Variants in N4BP2L2 observed in about 807,000 individuals in gnomAD.
N4BP2L2 encodes NEDD4 binding protein 2 like 2, also known as NEDD4-binding protein 2-like 2.
Under a neutral mutation model 56.2 loss-of-function variants are expected in N4BP2L2, and 50 were observed. That is an observed-to-expected ratio of 0.89 (90% CI 0.71 to 1.13). The LOEUF (loss-of-function observed/expected upper bound fraction) is 1.13, where lower values mean the gene tolerates loss of function less well. Ranked by LOEUF, N4BP2L2 falls within the 50% of genes most tolerant of loss-of-function variation. The probability of loss-of-function intolerance (pLI) is 0.00; values close to 1 mark genes in which losing one functional copy is unlikely to be tolerated. For synonymous variants in N4BP2L2, 203 were observed against 223.6 expected (o/e 0.91, Z 0.82); for missense variants, 689 against 693.8 (o/e 0.99, Z 0.08).
intron 6 of N4BP2L2, among the ~76,000 whole-genome samples, chr13:32,498,178 G>A (rs1218694970): frequency 6.6e-6 from 1 of 152,092 alleles, no homozygotes; most frequent in Non-Finnish European, 1.5e-5. Flanking sequence ...TAGAGATGGG[G>A]TTTCACTATG....
At chr13:32,469,113 C>T (rs948255149) in intron 6 of N4BP2L2, among the ~76,000 whole-genome samples, 2 of 152,208 alleles carry the variant, frequency 1.3e-5, no homozygotes, top group Admixed American at 6.5e-5. Flanking sequence ...TTCAGCCATT[C>T]GTGACCCATT....
Position 32,478,169 on chromosome 13 carries a change from G to A in N4BP2L2, c.366-34043C>T, listed in dbSNP as rs868450601. On this transcript the variant is annotated intron_variant, in intron 6 of 9. Transcript: ENST00000357505. The stretch of plus-strand genomic sequence containing the variant: ...CATTCAATCTCAACGAAGAACTTGG[G>A]CAGGTAAAACATCTATTTTCTAATA... The A allele has an allele frequency of 4.3e-5, 32 of 747,598 alleles. No homozygotes were observed. In the Middle Eastern group the frequency reaches 6.1e-3, roughly 142 times the overall value. The allele number at this position is 747,598 out of a possible 1,614,324, so 46.3% of individuals were successfully genotyped here. A position where few individuals can be genotyped will look rare whatever the true frequency, so the allele number is the denominator to read the frequency against.
intron 6 of N4BP2L2, among the ~76,000 whole-genome samples, chr13:32,490,297 T>G (rs1401749972): frequency 3.3e-5 from 5 of 152,052 alleles, no homozygotes; most frequent in African/African-American, 1.2e-4. Flanking sequence ...TACTGTTTTG[T>G]TTTTTTGTTT....
chr13:32,520,301 T>A (rs2050450758), intron 5 of N4BP2L2, among the ~76,000 whole-genome samples: 1 of 146,990 alleles, frequency 6.8e-6, no homozygotes, highest in African/African-American at 2.5e-5. Flanking sequence ...TTTATCGCAA[T>A]AAAGTTGTTA....
chr13:32,453,791 T>C (rs1205646929), intron 6 of N4BP2L2, among the ~76,000 whole-genome samples: 2 of 152,260 alleles, frequency 1.3e-5, no homozygotes, highest in African/African-American at 4.8e-5. Context: ...CAAAGAACTG[T>C]GGTTGTTTTG....
At chr13:32,454,780 A>G (rs2078681246) in intron 6 of N4BP2L2, among the ~76,000 whole-genome samples, 1 of 152,198 alleles carries the variant, frequency 6.6e-6, no homozygotes, top group African/African-American at 2.4e-5. Flanking sequence ...TCAAAATAAC[A>G]AGTAGATAAT....
At chr13:32,487,678 G>C (rs1304166666) in intron 6 of N4BP2L2, among the ~76,000 whole-genome samples, 1 of 151,698 alleles carries the variant, frequency 6.6e-6, no homozygotes, top group Non-Finnish European at 1.5e-5. Flanking sequence ...TCTCAAAAAA[G>C]AGGAAAAAAG....
chr13:32,452,053 TTTTC>T (rs1204321720), intron 6 of N4BP2L2, among the ~76,000 whole-genome samples: 4 of 122,112 alleles, frequency 3.3e-5, no homozygotes, highest in East Asian at 3.9e-4. Context: ...CTTTTTTTCT[TTTTC>T]TTTTTCTTTT....
rs186290944 is a variant in N4BP2L2 at position 32,485,647 on chromosome 13, T to C, written c.365+32210A>G. Among the ~76,000 whole-genome samples, 16 of 152,328 alleles carry C rather than the reference T, an allele frequency of 1.1e-4. No homozygotes were observed. In the East Asian group the frequency reaches 2.9e-3, roughly 27 times the overall value. On this transcript the variant is annotated intron_variant, in intron 6 of 9. Transcript: ENST00000357505. The stretch of plus-strand genomic sequence containing the variant: ...GTTAGTTTAACATCCAAAATTCAAT[T>C]AATGTAATAAACCATATCAGTAGAA...
intron 6 of N4BP2L2, among the ~76,000 whole-genome samples, chr13:32,492,615 C>A (rs371679324): frequency 6.6e-6 from 1 of 151,984 alleles, no homozygotes; most frequent in Non-Finnish European, 1.5e-5. Flanking sequence ...TAGTAACAGG[C>A]GCACTATTAA....
intron 4 of N4BP2L2, 90 bp from the exon 5 acceptor site, chr13:32,521,539 A>C: frequency 1.2e-6 from 1 of 820,496 alleles, no homozygotes; most frequent in Non-Finnish European, 2.0e-6. Flanking sequence ...TTTCGACAAT[A>C]CTATACACTT....
At chr13:32,501,309 T>TCGA (rs746033235) in intron 6 of N4BP2L2, among the ~76,000 whole-genome samples, 3 of 152,066 alleles carry the variant, frequency 2.0e-5, no homozygotes, top group African/African-American at 4.8e-5. Context: ...TATCACACTG[T>TCGA]CACATGAACA....
chr13:32,468,821 TATAG>T (rs1295804457), intron 6 of N4BP2L2, among the ~76,000 whole-genome samples: 5 of 152,156 alleles, frequency 3.3e-5, no homozygotes, highest in Non-Finnish European at 5.9e-5. Flanking sequence ...TTGTTCGTCT[TATAG>T]ATAGACAGGG....
At chr13:32,447,503 T>A (rs1256148852) in intron 6 of N4BP2L2, among the ~76,000 whole-genome samples, 1 of 152,098 alleles carries the variant, frequency 6.6e-6, no homozygotes, top group African/African-American at 2.4e-5. Flanking sequence ...ATATAGGGTA[T>A]GAGGAAAAAG....
intron 2 of N4BP2L2, among the ~76,000 whole-genome samples, chr13:32,528,509 C>T (rs1370166223): frequency 6.6e-6 from 1 of 152,150 alleles, no homozygotes; most frequent in East Asian, 1.9e-4. Flanking sequence ...TTGACAAGTA[C>T]AGCAAGATTA....
chr13:32,512,255 T>C (rs1192625603), exon 6 of N4BP2L2: 1 of 151,916 alleles, frequency 6.6e-6, no homozygotes, highest in Non-Finnish European at 1.5e-5. Flanking sequence ...TTACAAAAAG[T>C]AGTTCAATTA....
intron 6 of N4BP2L2, among the ~76,000 whole-genome samples, chr13:32,503,483 C>T (rs2090394175): frequency 6.6e-6 from 1 of 151,982 alleles, no homozygotes; most frequent in Admixed American, 6.6e-5. Flanking sequence ...TTCCCACCAT[C>T]TTCCCTTCAT....
At chr13:32,519,226 T>G (rs1459874735) in intron 5 of N4BP2L2, among the ~76,000 whole-genome samples, 1 of 144,430 alleles carries the variant, frequency 6.9e-6, no homozygotes, top group East Asian at 2.0e-4. Context: ...GTAGGCAATA[T>G]GGCAAAACCG....
exon 6 of N4BP2L2, chr13:32,517,085 G>C: frequency 7.2e-6 from 7 of 978,794 alleles, no homozygotes; most frequent in Non-Finnish European, 8.5e-6. Context: ...ATTGAACAGA[G>C]AGAAGTAAAA....
Sources: allele counts gnomAD v4.1 joint callset (sites outside exome capture counted in the v4.1 genomes callset), GRCh38; gene constraint gnomAD v4.1.1; transcripts MANE v1.5; gene names NCBI Gene and HGNC (gene_info 2026-07-23, HGNC 2026-07-21).